Variants in TRIM37 observed in about 807,000 individuals in gnomAD.
TRIM37 encodes the protein E3 ubiquitin-protein ligase TRIM37.
In TRIM37, 80 loss-of-function variants were observed where a neutral mutation model predicts 129.8. That is an observed-to-expected ratio of 0.62 (90% CI 0.51 to 0.74). The LOEUF is 0.74. TRIM37 is among the 30% of genes least tolerant of loss of function. The probability of loss-of-function intolerance (pLI) is 0.00; values close to 1 mark genes in which losing one functional copy is unlikely to be tolerated. For synonymous variants in TRIM37, 389 were observed against 387.1 expected (o/e 1.00, Z -0.06); for missense variants, 1,054 against 1,176.5 (o/e 0.90, Z 1.52).
At chr17:59,029,214 G>A (rs1289921628) in intron 18 of TRIM37, among the ~76,000 whole-genome samples, 3 of 152,078 alleles carry the variant, frequency 2.0e-5, no homozygotes, top group Non-Finnish European at 2.9e-5. Context: ...AATCGCTTGA[G>A]GCCAGAAGTT....
intron 4 of TRIM37, among the ~76,000 whole-genome samples, chr17:59,086,247 T>TG (rs2043740823): frequency 6.6e-6 from 1 of 151,982 alleles, no homozygotes. Context: ...AATTTTTTTT[T>TG]TTTTTTTTGA....
At chr17:58,995,811 T>C (rs1392322441), downstream of TRIM37, among the ~76,000 whole-genome samples, 2 of 152,000 alleles carry the variant, frequency 1.3e-5, no homozygotes, top group Non-Finnish European at 2.9e-5. Flanking sequence ...GGAGGGTCAC[T>C]TGAACCCAAG....
chr17:59,087,171 C>T (rs184171633), intron 4 of TRIM37, among the ~76,000 whole-genome samples: 1 of 152,276 alleles, frequency 6.6e-6, no homozygotes, highest in East Asian at 1.9e-4. Flanking sequence ...TCTCGGCTCA[C>T]TGCAACTTAC....
chr17:59,070,763 C>T lies in TRIM37; in HGVS notation c.809+60G>A, dbSNP rs1467976323. On this transcript the variant is annotated intron_variant, in intron 9 of 23. Coordinates refer to ENST00000262294, the MANE Select transcript of TRIM37 (RefSeq NM_015294.6). ...TAAAAAAAAAAACATTCTTTTGAAA[C>T]AAGTATATGCATTTCCACATAAATT... 4.7e-6 allele frequency: 7 copies of T among 1,498,430 alleles called. No homozygotes were observed. The Admixed American group carries it at 7.6e-5, about 16-fold the overall frequency. 92.8% of individuals were successfully genotyped at this position (1,498,430 alleles called of 1,614,324 possible).
chr17:59,049,210 C>T lies in TRIM37; in HGVS notation c.1498G>A (p.Asp500Asn). 1 of 1,614,084 alleles carries T rather than the reference C, an allele frequency of 6.2e-7. No homozygotes were observed. ...SVREAKEDEE[D>N]EEKIQNEDYH... ...TCTTCATTCTGAATCTTCTCCTCAT[C>T]TTCTTCATCCTCTTTGGCCTCTCTT... Residue 500 changes from aspartate (D) to asparagine (N), a missense_variant, in exon 15 of 24, where the codon GAT becomes AAT. Asp to Asn is a conservative substitution (Grantham distance 23). Around this residue, in one of 3 missense-constraint regions of TRIM37, gnomAD observed 752 missense variants for 870.8 expected, o/e 0.86. Coordinates refer to ENST00000262294, the MANE Select transcript of TRIM37 (RefSeq NM_015294.6).
intron 24 of TRIM37, among the ~76,000 whole-genome samples, chr17:58,990,233 A>G (rs1301190735): frequency 6.7e-6 from 1 of 149,836 alleles, no homozygotes; most frequent in Admixed American, 6.8e-5. Context: ...GCTCACACCT[A>G]TAATCCCAGC....
intron 5 of TRIM37, 34 bp from the exon 6 acceptor site, chr17:59,081,253 A>C (rs1238070851): frequency 1.9e-6 from 3 of 1,604,830 alleles, no homozygotes; most frequent in Non-Finnish European, 2.6e-6. Context: ...GAACACTTTC[A>C]CATATCTCAT....
At chr17:58,976,853 G>C in the TRIM37 span, among the ~76,000 whole-genome samples, 2 of 152,126 alleles carry the variant, frequency 1.3e-5, no homozygotes, top group Non-Finnish European at 2.9e-5. Context: ...TTTGGGAACA[G>C]TGTGACTCAG....
intron 4 of TRIM37, among the ~76,000 whole-genome samples, chr17:59,086,120 C>T (rs1303126411): frequency 2.0e-5 from 3 of 151,954 alleles, no homozygotes; most frequent in Non-Finnish European, 4.4e-5. Flanking sequence ...TGTGAACATG[C>T]TTAACATAAC....
chr17:58,982,586 G>A, downstream of TRIM37: 1 of 274,068 alleles, frequency 3.6e-6, no homozygotes, highest in Non-Finnish European at 6.9e-6. Flanking sequence ...CAGATGACTG[G>A]CATATTTTGG....
At position 59,049,195 on chromosome 17, in the gene TRIM37, G is replaced by A. The variant is rs1429089478; in HGVS notation, c.1513C>T (p.Gln505Ter). The part of the protein sequence containing the change: ...KEDEEDEEKI[Q>*]NEDYHHELSD... Reference sequence around the variant, plus strand: ...ATTATTACATGATAATCTTCATTCTGAATCTTCTCCTCATCTTCTTCATCC... The same window carrying A: ...ATTATTACATGATAATCTTCATTCTAAATCTTCTCCTCATCTTCTTCATCC... Residue 505 changes from glutamine (Q) to a stop codon, truncating the protein, a stop_gained, in exon 15 of 24, where the codon CAG (glutamine) becomes TAG (stop). Coordinates refer to ENST00000262294, the MANE Select transcript of TRIM37 (RefSeq NM_015294.6). LOFTEE classifies it high-confidence loss of function. The A allele has an allele frequency of 2.5e-6, 4 of 1,613,514 alleles. No individual in the cohort carries two copies. In the East Asian group the frequency reaches 8.9e-5, roughly 36 times the overall value.
chr17:59,044,888 C>A (rs1463727436), intron 16 of TRIM37, among the ~76,000 whole-genome samples: 1 of 152,046 alleles, frequency 6.6e-6, no homozygotes, highest in African/African-American at 2.4e-5. Flanking sequence ...GAATCATGAG[C>A]CGAGTGTGAT....
the TRIM37 span, chr17:58,972,974 T>C: frequency 6.0e-5 from 80 of 1,327,116 alleles, no homozygotes; most frequent in Admixed American, 9.2e-4. Context: ...TTCTAGCTCA[T>C]TCTCCTGTAT....
chr17:59,019,270 TG>T (rs1225998163), intron 19 of TRIM37, among the ~76,000 whole-genome samples: 3 of 152,078 alleles, frequency 2.0e-5, no homozygotes, highest in Non-Finnish European at 4.4e-5. Flanking sequence ...AACTAATGAG[TG>T]GATAAACAGT....
At chr17:59,012,855 A>T (rs576087178) in intron 21 of TRIM37, among the ~76,000 whole-genome samples, 1 of 151,786 alleles carries the variant, frequency 6.6e-6, no homozygotes, top group Non-Finnish European at 1.5e-5. Flanking sequence ...CAGCCTGGGC[A>T]ACAGAGTGAG....
intron 20 of TRIM37, 41 bp from the exon 21 acceptor site, chr17:59,015,840 A>T: frequency 6.3e-7 from 1 of 1,593,348 alleles, no homozygotes; most frequent in African/African-American, 1.3e-5. Flanking sequence ...TTAGCTGGGC[A>T]TGGTGGTGTG....
chr17:59,078,716 A>G (rs1054091853), intron 7 of TRIM37, among the ~76,000 whole-genome samples: 5 of 152,200 alleles, frequency 3.3e-5, no homozygotes, highest in Non-Finnish European at 7.4e-5. Context: ...TTTCATTTAC[A>G]TGAAATATAT....
In TRIM37 at chr17:59,066,821, T is replaced by C. The variant is rs530095345; in HGVS notation, c.810-2416A>G. Among the ~76,000 whole-genome samples, 3 of 152,316 alleles carry C rather than the reference T, an allele frequency of 2.0e-5. No homozygotes were observed. The South Asian group carries it at 6.2e-4, about 32-fold the overall frequency. On this transcript the variant is annotated intron_variant, in intron 9 of 23. Coordinates refer to ENST00000262294, the MANE Select transcript of TRIM37 (RefSeq NM_015294.6). ...CACATTAATTTTATTACTGTTCCAA[T>C]AACCTGTTTTTCTAAATCATAATTA...
At chr17:59,022,051 T>G (rs34507712) in intron 19 of TRIM37, among the ~76,000 whole-genome samples, 6,359 of 152,186 alleles carry the variant, frequency 0.042, 198 homozygotes, top group Non-Finnish European at 0.062. Flanking sequence ...TAATACAGCA[T>G]AGGAGCAAAT....
Sources: allele counts gnomAD v4.1 joint callset (sites outside exome capture counted in the v4.1 genomes callset), GRCh38; gene constraint gnomAD v4.1.1; regional missense constraint gnomAD v4.1.1; transcripts MANE v1.5; gene names NCBI Gene and HGNC (gene_info 2026-07-23, HGNC 2026-07-21).